Variants in ATP8B1 observed in about 807,000 individuals in gnomAD.
The protein encoded by ATP8B1 is phospholipid-transporting ATPase IC.
In ATP8B1, 80 loss-of-function variants were observed where a neutral mutation model predicts 149.9. That is an observed-to-expected ratio of 0.53 (90% CI 0.45 to 0.64). The LOEUF is 0.64. Ranked by LOEUF, ATP8B1 falls within the 30% of genes least tolerant of loss-of-function variation. The probability of loss-of-function intolerance (pLI) is 0.00; values close to 1 mark genes in which losing one functional copy is unlikely to be tolerated. For missense variants in ATP8B1, 1,247 were observed against 1,552.6 expected (o/e 0.80, Z 3.31); for synonymous variants, 536 against 562.8 (o/e 0.95, Z 0.67).
At chr18:57,740,963 G>A (rs1487742171) in intron 1 of ATP8B1, 1 of 151,622 alleles carries the variant, frequency 6.6e-6, no homozygotes, top group East Asian at 1.9e-4. Context: ...TTGAGATGGA[G>A]TCTTGCTCTG....
intron 10 of ATP8B1, 116 bp downstream of exon 10, chr18:57,695,055 A>AG (rs1912735569): frequency 3.0e-6 from 2 of 657,194 alleles, no homozygotes; most frequent in Non-Finnish European, 5.1e-6. Flanking sequence ...AAAAAAAAAA[A>AG]GCTCATGATG....
At chr18:57,666,559 G>T (rs1285575465) in intron 20 of ATP8B1, among the ~76,000 whole-genome samples, 1 of 147,224 alleles carries the variant, frequency 6.8e-6, no homozygotes, top group Non-Finnish European at 1.5e-5. Context: ...TAATGAGACA[G>T]AGTTTCACTC....
chr18:57,697,744 CAG>C (rs1456418062), intron 7 of ATP8B1, 49 bp downstream of exon 7: 2 of 1,612,916 alleles, frequency 1.2e-6, no homozygotes, highest in Non-Finnish European at 1.7e-6. Flanking sequence ...AAGCCGAGCA[CAG>C]GGGCTGGGGG....
intron 23 of ATP8B1, 113 bp downstream of exon 23, chr18:57,655,081 A>T: frequency 1.0e-6 from 1 of 961,414 alleles, no homozygotes; most frequent in Non-Finnish European, 1.6e-6. Flanking sequence ...CTGTAAGGAG[A>T]CACAGCCCCA....
intron 2 of ATP8B1, among the ~76,000 whole-genome samples, chr18:57,730,389 TATG>T (rs1240277525): frequency 4.2e-4 from 2 of 4,786 alleles, no homozygotes; most frequent in African/African-American, 4.6e-4. Flanking sequence ...ACCAGAACAC[TATG>T]ATAATGATTT....
At chr18:57,663,758 C>T (rs1449076090) in intron 20 of ATP8B1, among the ~76,000 whole-genome samples, 1 of 141,572 alleles carries the variant, frequency 7.1e-6, no homozygotes, top group African/African-American at 2.6e-5. Context: ...AAGTGCTTTG[C>T]CCATTTTTTT....
In ATP8B1 at chr18:57,648,532, C is replaced by T. The variant is rs1053938391; in HGVS notation, c.3712G>A (p.Val1238Met). Residue 1238 changes from valine to methionine, a missense_variant, in exon 28 of 28, where the codon GTG becomes ATG. Val to Met is a conservative substitution (Grantham distance 21). This residue lies in a region of ATP8B1 where 164 missense variants were observed against 160.3 expected (regional missense o/e 1.02). Transcript: ENST00000648908. ...RKKRSPLDAI[V>M]ADGTAEYRRT... ...CTGTACTCCGCGGTGCCATCCGCCA[C>T]GATGGCATCAAGCGGCGAGCGCTTC... 2.5e-6 allele frequency: 4 copies of T among 1,611,388 alleles called. No individual in the cohort carries two copies. Among genetic ancestry groups the T allele is most frequent in the African/African-American group, 1.3e-5 (1 of 74,876 alleles).
chr18:57,783,924 A>T (rs983152823), intron 1 of ATP8B1, among the ~76,000 whole-genome samples: 1 of 152,222 alleles, frequency 6.6e-6, no homozygotes, highest in East Asian at 1.9e-4. Flanking sequence ...GCGCATGGTG[A>T]CAGAGCTGTT....
At chr18:57,768,288 G>A (rs963913882) in intron 1 of ATP8B1, among the ~76,000 whole-genome samples, 7 of 150,312 alleles carry the variant, frequency 4.7e-5, no homozygotes, top group African/African-American at 1.5e-4. Flanking sequence ...TGGGGAGGCT[G>A]AGGCAGGAAA....
chr18:57,678,503 C>T (rs1452078650), intron 15 of ATP8B1, among the ~76,000 whole-genome samples: 1 of 149,480 alleles, frequency 6.7e-6, no homozygotes, highest in Non-Finnish European at 1.5e-5. Context: ...AGGAGAATCG[C>T]ATAAACCCGG....
chr18:57,679,961 G>A lies in ATP8B1; in HGVS notation c.1630+4075C>T, dbSNP rs183688716. 1.8e-4 allele frequency among the ~76,000 whole-genome samples: 28 copies of A among 151,420 alleles called. No homozygotes were observed. The East Asian group carries it at 5.0e-3, about 27-fold the overall frequency. ...ATTACAGGCGTGAATCACTGCACCC[G>A]GCTCACTCTAATTAAGTGACAATAA... On this transcript the variant is annotated intron_variant, in intron 15 of 27. Transcript: ENST00000648908.
intron 4 of ATP8B1, among the ~76,000 whole-genome samples, chr18:57,701,857 G>A (rs910568248): frequency 1.3e-4 from 19 of 151,900 alleles, no homozygotes; most frequent in South Asian, 2.1e-4. Flanking sequence ...CACCACCCCC[G>A]GCTAATTTTT....
chr18:57,695,586 G>A (rs1207354100), intron 8 of ATP8B1, 54 bp from the exon 9 acceptor site: 8 of 1,348,572 alleles, frequency 5.9e-6, no homozygotes, highest in Non-Finnish European at 8.5e-6. Context: ...AGTTCAAAGT[G>A]GAAGTTAATC....
At chr18:57,727,770 G>A (rs2079723333) in intron 2 of ATP8B1, among the ~76,000 whole-genome samples, 1 of 152,158 alleles carries the variant, frequency 6.6e-6, no homozygotes, top group Non-Finnish European at 1.5e-5. Flanking sequence ...CTGGGCGACA[G>A]AGAGAGACTC....
intron 1 of ATP8B1, among the ~76,000 whole-genome samples, chr18:57,738,999 A>G (rs1270628846): frequency 6.6e-6 from 1 of 151,922 alleles, no homozygotes; most frequent in African/African-American, 2.4e-5. Context: ...TGTGTATTTT[A>G]TTTTTATTAT....
intron 1 of ATP8B1, among the ~76,000 whole-genome samples, chr18:57,780,300 A>T (rs2080346000): frequency 6.6e-6 from 1 of 152,272 alleles, no homozygotes; most frequent in South Asian, 2.1e-4. Context: ...ATAAAAATGC[A>T]TAAATGTATA....
At chr18:57,652,947 G>A (rs1257360440) in intron 24 of ATP8B1, among the ~76,000 whole-genome samples, 1 of 152,106 alleles carries the variant, frequency 6.6e-6, no homozygotes, top group Non-Finnish European at 1.5e-5. Context: ...TCAGAGAAGG[G>A]CTAGGTATAA....
Position 57,684,120 on chromosome 18 carries a change from T to C in ATP8B1, c.1546A>G (p.Ile516Val), listed in dbSNP as rs761225117. 1 of 1,614,140 alleles carries C rather than the reference T, an allele frequency of 6.2e-7. No individual in the cohort carries two copies. The highest frequency in any genetic ancestry group is 1.7e-5 in the Admixed American group (1 of 60,008). The change falls in exon 15 of 28, where the codon ATC (isoleucine) becomes GTC (valine). Residue 516 changes from isoleucine (I) to valine (V), a missense_variant. Transcript: ENST00000648908. ...ACTTCTGGCTCTTTCCCTGACTGGA[T>C]TTGCTCAATAAGATAGTGGTCATAA... ...AFYDHYLIEQ[I>V]QSGKEPEVRQ...
intron 20 of ATP8B1, among the ~76,000 whole-genome samples, chr18:57,664,518 AAAAGG>A (rs1367546360): frequency 6.6e-6 from 1 of 151,686 alleles, no homozygotes; most frequent in African/African-American, 2.4e-5. Flanking sequence ...AAAAAAAAAA[AAAAGG>A]AAAGGCAATC....
Sources: allele counts gnomAD v4.1 joint callset (sites outside exome capture counted in the v4.1 genomes callset), GRCh38; gene constraint gnomAD v4.1.1; regional missense constraint gnomAD v4.1.1; transcripts MANE v1.5; gene names NCBI Gene and HGNC (gene_info 2026-07-23, HGNC 2026-07-21).